The following FCHO1 variants were observed in gnomAD, a reference collection of about 807,000 sequenced individuals.
The protein encoded by FCHO1 is F-BAR domain only protein 1.
In FCHO1, 45 loss-of-function variants were observed where a neutral mutation model predicts 114.4. The observed-to-expected ratio is 0.39, with a 90% CI of 0.31 to 0.50. FCHO1 has a LOEUF of 0.50. Ranked by LOEUF, FCHO1 falls within the 20% of genes least tolerant of loss-of-function variation. FCHO1 has a pLI of 0.77. For synonymous variants in FCHO1, 480 were observed against 488.9 expected (o/e 0.98, Z 0.24); for missense variants, 1,042 against 1,209.6 (o/e 0.86, Z 2.06).
rs560303709 is a variant in FCHO1, at chr19:17,762,349, C to T, written c.28-413C>T. ...TGGTTCAGCTTCTTTCTAAGGTTCA[C>T]GGTTTCCATTTGACTTCCAGTATCC... On this transcript the variant is annotated intron_variant, in intron 4 of 28. Transcript: ENST00000596536. 2.6e-5 allele frequency among the ~76,000 whole-genome samples: 4 copies of T among 151,474 alleles called. No individual in the cohort carries two copies. In the Admixed American group the frequency reaches 2.6e-4, roughly 10 times the overall value.
intron 26 of FCHO1, 119 bp from the exon 27 acceptor site, chr19:17,786,455 G>T: frequency 1.1e-6 from 1 of 943,982 alleles, no homozygotes; most frequent in East Asian, 2.6e-5. Context: ...TGAGGAAATT[G>T]AGGTGAAGTG....
rs764811128 is a variant in FCHO1, at chr19:17,786,590, C to T, written c.2443C>T (p.Arg815Trp). 94 of 1,363,264 alleles carry T rather than the reference C, an allele frequency of 6.9e-5. No homozygotes were observed. The highest frequency in any genetic ancestry group is 9.1e-5 in the East Asian group (2 of 22,056). The allele number at this position is 1,363,264 out of a possible 1,614,324, so 84.4% of individuals were successfully genotyped here. ...CTCTGCCAGGAACCTGGAGGAGAAG[C>T]GGCTCACTTGGAGGCTTCCAGATGT... ...PAATWNLEEK[R>W]LTWRLPDVSE... The change falls in exon 27 of 29, where the codon CGG (arginine) becomes TGG (tryptophan). Residue 815 changes from arginine to tryptophan, a missense_variant. By Grantham distance (101) the Arg-to-Trp change is moderately radical. Transcript: ENST00000596536.
chr19:17,763,217 T>C, intron 5 of FCHO1, among the ~76,000 whole-genome samples: 1 of 144,742 alleles, frequency 6.9e-6, no homozygotes, highest in Non-Finnish European at 1.5e-5. Flanking sequence ...CTACCTCAGC[T>C]CCCGAGTAGC....
chr19:17,774,660 C>A, intron 13 of FCHO1, 182 bp downstream of exon 13: 1 of 604,520 alleles, frequency 1.7e-6, no homozygotes, highest in Non-Finnish European at 2.9e-6. Context: ...TCAATATTAC[C>A]GCTGCCCAAG....
chr19:17,787,675 T>C lies in FCHO1; in HGVS notation c.2483-7T>C, dbSNP rs1016417033. On this transcript the variant is annotated splice_polypyrimidine_tract_variant and splice_region_variant and intron_variant, in intron 27 of 28. Transcript: ENST00000596536. Reference sequence around the variant, plus strand: ...GCCAGGGCGCAGCTGACTGCAGGTCTCCCCAGGTTCTGGCCGCCTCTCTGC... The same window carrying C: ...GCCAGGGCGCAGCTGACTGCAGGTCCCCCCAGGTTCTGGCCGCCTCTCTGC... The C allele has an allele frequency of 3.2e-6, 5 of 1,550,056 alleles. No individual in the cohort carries two copies. The African/African-American group carries it at 4.1e-5, about 13-fold the overall frequency.
At position 17,766,790 on chromosome 19, in the gene FCHO1, C is replaced by A; in HGVS notation, c.316C>A (p.Gln106Lys). The change falls in exon 7 of 29, where the codon CAG becomes AAG. Residue 106 changes from glutamine (Q) to lysine (K), a missense_variant. Gln to Lys is a moderately conservative substitution (Grantham distance 53). Coordinates refer to ENST00000596536, the MANE Select transcript of FCHO1 (RefSeq NM_015122.3). Reference sequence around the variant, plus strand: ...GGACGTTCTCCGCTACGGCGAGGAACAGCTCAAGACCCACAAGAAGGTGTG... The same window carrying A: ...GGACGTTCTCCGCTACGGCGAGGAAAAGCTCAAGACCCACAAGAAGGTGTG... Reference protein sequence around the residue: ...IKDVLRYGEEQLKTHKKCKEE... With the variant: ...IKDVLRYGEEKLKTHKKCKEE... 4 of 1,614,068 alleles carry A rather than the reference C, an allele frequency of 2.5e-6. No homozygotes were observed. Among genetic ancestry groups the A allele is most frequent in the Non-Finnish European group, 3.4e-6 (4 of 1,179,954 alleles).
In FCHO1 at chr19:17,770,836, A is replaced by T. The variant is rs747102469; in HGVS notation, c.534A>T (p.Ser178=). ...AGGCGGCAGAGAGCCTGCGGCGCTC[A>T]GTGGAAAAATACAACTCAGCCCGAG... The part of the protein sequence containing the change: ...TKKAAESLRR[S]VEKYNSARAD... The change falls in exon 9 of 29, where the codon TCA becomes TCT. Residue 178 remains serine (S), a synonymous_variant. Coordinates refer to ENST00000596536, the MANE Select transcript of FCHO1 (RefSeq NM_015122.3). 10 of 1,614,090 alleles carry T rather than the reference A, an allele frequency of 6.2e-6. No homozygotes were observed. In the Admixed American group the frequency reaches 6.7e-5, roughly 11 times the overall value.
chr19:17,778,995 C>T (rs2093019423), intron 20 of FCHO1, 111 bp downstream of exon 20: 4 of 1,145,218 alleles, frequency 3.5e-6, no homozygotes, highest in East Asian at 2.7e-5. Context: ...CAGGACCAGG[C>T]AGGCAGAACC....
chr19:17,775,343 G>A lies in FCHO1; in HGVS notation c.946-113G>A. 9.3e-7 allele frequency: 1 copy of A among 1,077,792 alleles called. No individual in the cohort carries two copies. The highest frequency in any genetic ancestry group is 1.5e-5 in the African/African-American group (1 of 64,788). 66.8% of individuals were successfully genotyped at this position (1,077,792 alleles called of 1,614,324 possible). ...GAAGACAGTCGTTGCCATCAGGGTTGGTTTTGAGGTCTGAGTCAAGGCCTG... is the reference window on the plus strand; with the variant it reads ...GAAGACAGTCGTTGCCATCAGGGTTAGTTTTGAGGTCTGAGTCAAGGCCTG... On this transcript the variant is annotated intron_variant, in intron 14 of 28. Transcript: ENST00000596536. The surrounding 1 kb of genome is among the most constrained non-coding windows in gnomAD (Gnocchi z 5.1).
intron 4 of FCHO1, among the ~76,000 whole-genome samples, chr19:17,756,382 C>A (rs912009225): frequency 6.6e-6 from 1 of 152,130 alleles, no homozygotes; most frequent in African/African-American, 2.4e-5. Flanking sequence ...ATTTTGGAAC[C>A]CCGACAGTGG....
At chr19:17,765,882 CTTTTTTTTT>C (rs397859350) in intron 6 of FCHO1, among the ~76,000 whole-genome samples, 1 of 60,144 alleles carries the variant, frequency 1.7e-5, no homozygotes, top group African/African-American at 7.5e-5. Flanking sequence ...CTTAGTCACT[CTTTTTTTTT>C]TTTTTTTTTT....
At position 17,786,628 on chromosome 19, in the gene FCHO1, C is replaced by T. The variant is rs751003466; in HGVS notation, c.2481C>T (p.Gly827=). ...GGCTTCCAGATGTGTCCGAGGCAGG[C>T]GGTGAGCTGTGGTTGTGTATGAGGG... The part of the protein sequence containing the change: ...TWRLPDVSEA[G]GSGRLSASWE... Residue 827 remains glycine, a splice_region_variant and synonymous_variant, in exon 27 of 29, where the codon GGC becomes GGT. Transcript: ENST00000596536. 5.7e-5 allele frequency: 43 copies of T among 748,294 alleles called. No individual in the cohort carries two copies. The highest frequency in any genetic ancestry group is 2.9e-4 in the Middle Eastern group (1 of 3,480). 46.4% of individuals were successfully genotyped at this position (748,294 alleles called of 1,614,324 possible).
At chr19:17,757,927 A>T (rs2084377843) in intron 4 of FCHO1, among the ~76,000 whole-genome samples, 1 of 151,402 alleles carries the variant, frequency 6.6e-6, no homozygotes, top group Non-Finnish European at 1.5e-5. Flanking sequence ...AAAAAAAAAA[A>T]AAAAAAAAGC....
At position 17,787,790 on chromosome 19, in the gene FCHO1, TG is replaced by T. The variant is rs1696609282; in HGVS notation, c.2593del (p.Glu865AsnfsTer12). ...GGGACCACTCTGTCGGGCGTGGACT[TG>T]GAACTGGTGGGCAGCGGTTACCGCA... ...SEGTTLSGVDLELVGSGYRMS... is the reference protein window; with the variant it reads ...SEGTTLSGVDXELVGSGYRMS... On this transcript the variant is annotated frameshift_variant, in exon 28 of 29. Transcript: ENST00000596536. LOFTEE classifies it high-confidence loss of function. 1 of 1,613,122 alleles carries T rather than the reference TG, an allele frequency of 6.2e-7. No individual in the cohort carries two copies.
chr19:17,778,777 C>A lies in FCHO1; in HGVS notation c.1520C>A (p.Ala507Glu). 6.5e-7 allele frequency: 1 copy of A among 1,538,826 alleles called. No individual in the cohort carries two copies. Among genetic ancestry groups the A allele is most frequent in the Non-Finnish European group, 8.7e-7 (1 of 1,147,810 alleles). The change falls in exon 20 of 29, where the codon GCG becomes GAG. Residue 507 changes from alanine to glutamate, a missense_variant. Physicochemically the swap from Ala to Glu is moderately radical, Grantham distance 107. Around this residue, in one of 3 missense-constraint regions of FCHO1, gnomAD observed 455 missense variants for 455.4 expected, o/e 1.00. Coordinates refer to ENST00000596536, the MANE Select transcript of FCHO1 (RefSeq NM_015122.3). ...CCGCAGAGCCCGCCCAGCTGTAGGGCGCCACCCCCAGAGGCCAGGGGTATC... is the reference window on the plus strand; with the variant it reads ...CCGCAGAGCCCGCCCAGCTGTAGGGAGCCACCCCCAGAGGCCAGGGGTATC... ...GTPQSPPSCR[A>E]PPPEARGIRA...
chr19:17,755,417 C>T, intron 4 of FCHO1: 2 of 433,906 alleles, frequency 4.6e-6, no homozygotes. Context: ...ATAGGGAGAC[C>T]AAGGGCCAGA....
chr19:17,754,846 A>G lies in FCHO1; in HGVS notation c.-48+165A>G, dbSNP rs1195731669. On this transcript the variant is annotated intron_variant, in intron 3 of 28. Coordinates refer to ENST00000596536, the MANE Select transcript of FCHO1 (RefSeq NM_015122.3). Reference sequence around the variant, plus strand: ...CCCACATTCCATGCCCCCTCCTCCAATCTAGACTCCCTCAGCTCTTGTCCC... The same window carrying G: ...CCCACATTCCATGCCCCCTCCTCCAGTCTAGACTCCCTCAGCTCTTGTCCC... 1.5e-5 allele frequency: 6 copies of G among 397,420 alleles called. No individual in the cohort carries two copies. The Admixed American group carries it at 1.6e-4, about 11-fold the overall frequency. 24.6% of individuals were successfully genotyped at this position (397,420 alleles called of 1,614,324 possible).
At chr19:17,786,273 C>T (rs111470564) in intron 26 of FCHO1, among the ~76,000 whole-genome samples, 5 of 152,230 alleles carry the variant, frequency 3.3e-5, no homozygotes, top group Non-Finnish European at 5.9e-5. Flanking sequence ...GCATAGGCTG[C>T]AGTGAGCAGA....
intron 4 of FCHO1, 150 bp downstream of exon 4, chr19:17,755,341 G>A: frequency 1.4e-6 from 1 of 728,070 alleles, no homozygotes. Context: ...GTCAGGCTGG[G>A]TTTGAATCCA....
Sources: allele counts gnomAD v4.1 joint callset (sites outside exome capture counted in the v4.1 genomes callset), GRCh38; gene constraint gnomAD v4.1.1; regional missense constraint gnomAD v4.1.1; non-coding constraint Gnocchi (gnomAD v3.1); transcripts MANE v1.5; gene names NCBI Gene and HGNC (gene_info 2026-07-23, HGNC 2026-07-21).